SLC35C1: variants seen among roughly 807,000 people sequenced by gnomAD.
SLC35C1 encodes GDP-fucose transporter 1.
SLC35C1 carries 8 observed loss-of-function variants against 23.2 expected under a neutral mutation model. The observed-to-expected ratio is 0.35, with a 90% confidence interval of 0.20 to 0.62. SLC35C1 has a LOEUF of 0.62. Ranked by LOEUF, SLC35C1 falls within the 20% of genes least tolerant of loss-of-function variation. The pLI is 0.75. For missense variants in SLC35C1, 422 were observed against 478.6 expected, an observed-to-expected ratio of 0.88 and a Z score of 1.10; for synonymous variants, 226 against 225.1, an observed-to-expected ratio of 1.00 and a Z score of -0.04.
Position 45,811,257 on chromosome 11 carries a change from G to T in SLC35C1, c.1017G>T (p.Trp339Cys), listed in dbSNP as rs1322531884. The T allele has an allele frequency of 6.3e-7, 1 of 1,593,168 alleles. No homozygotes were observed. Among genetic ancestry groups the T allele is most frequent in the Admixed American group, 1.7e-5 (1 of 58,698 alleles). The change falls in exon 2 of 2, where the codon TGG becomes TGT. Residue 339 changes from tryptophan to cysteine, a missense_variant. Coordinates refer to ENST00000314134, the MANE Select transcript of SLC35C1 (RefSeq NM_018389.5). ...TGGGCGGCTCCTCCGCCTACACCTG[G>T]GTCAGGGGCTGGGAGATGAAGAAGA... ...MVLGGSSAYTWVRGWEMKKTP... is the reference protein window; with the variant it reads ...MVLGGSSAYTCVRGWEMKKTP...
rs1329095261 is a variant in SLC35C1, at chr11:45,811,330, G to C, written c.1090G>C (p.Val364Leu). The C allele has an allele frequency of 7.9e-6, 12 of 1,515,292 alleles. No individual in the cohort carries two copies. The highest frequency in any genetic ancestry group is 9.6e-6 in the Non-Finnish European group (11 of 1,142,038). 93.9% of individuals were successfully genotyped at this position (1,515,292 alleles called of 1,614,324 possible). A position where few individuals can be genotyped will look rare whatever the true frequency, so the allele number is the denominator to read the frequency against. ...PKDSEKSAMG[V>L] ...AGACAGCGAGAAGAGCGCCATGGGG[G>C]TGTGAGCACCACAGGCACCCTGGAT... Residue 364 changes from valine (V) to leucine (L), a missense_variant, in exon 2 of 2, where the codon GTG becomes CTG. Transcript: ENST00000314134.
chr11:45,807,961 T>C (rs916220943), intron 1 of SLC35C1, among the ~76,000 whole-genome samples: 2 of 152,124 alleles, frequency 1.3e-5, no homozygotes, highest in African/African-American at 4.8e-5. Context: ...GTGAAGACAC[T>C]AGGGTAACTG....
chr11:45,810,203 G>A, intron 1 of SLC35C1: 1 of 985,440 alleles, frequency 1.0e-6, no homozygotes, highest in Non-Finnish European at 1.2e-6. Flanking sequence ...GACACAAGAT[G>A]AGAGTCTCAG....
Position 45,805,528 on chromosome 11 carries a change from T to C in SLC35C1, c.-274T>C. 2 of 1,388,918 alleles carry C rather than the reference T, an allele frequency of 1.4e-6. No individual in the cohort carries two copies. The highest frequency in any genetic ancestry group is 1.9e-6 in the Non-Finnish European group (2 of 1,068,732). 86.0% of individuals were successfully genotyped at this position (1,388,918 alleles called of 1,614,324 possible). ...CTTCTCCCCTCACAGGTCTTCTCTG[T>C]CCTGGCCTCACCGCCTTATCCTATT... On this transcript the variant is annotated 5_prime_UTR_variant, in exon 1 of 2. Coordinates refer to ENST00000314134, the MANE Select transcript of SLC35C1 (RefSeq NM_018389.5).
In SLC35C1 at chr11:45,810,988, G is replaced by A. The variant is rs148606857; in HGVS notation, c.748G>A (p.Gly250Arg). 1.4e-4 allele frequency: 230 copies of A among 1,612,792 alleles called. No individual in the cohort carries two copies. In the African/African-American group the frequency reaches 2.2e-3, roughly 16 times the overall value. ...CTTCCTGCCCCTGCTCCTGCTGCTC[G>A]GGGAGCTTCAGGCCCTGCGTGACTT... ...ILFLPLLLLLGELQALRDFAQ... is the reference protein window; with the variant it reads ...ILFLPLLLLLRELQALRDFAQ... Residue 250 changes from glycine (G) to arginine (R), a missense_variant, in exon 2 of 2, where the codon GGG (glycine) becomes AGG (arginine). By Grantham distance (125) the Gly-to-Arg change is moderately radical. Transcript: ENST00000314134.
At chr11:45,807,122 A>G (rs560364320) in intron 1 of SLC35C1, among the ~76,000 whole-genome samples, 1 of 152,270 alleles carries the variant, frequency 6.6e-6, no homozygotes, top group South Asian at 2.1e-4. Context: ...AGGCTCAGAG[A>G]TGTTACATTA....
rs1336611762 is a variant in SLC35C1 at position 45,806,064 on chromosome 11, G to T, written c.263G>T (p.Cys88Phe). The T allele has an allele frequency of 6.2e-7, 1 of 1,612,962 alleles. No individual in the cohort carries two copies. The highest frequency in any genetic ancestry group is 1.7e-5 in the Admixed American group (1 of 60,030). ...FYQCLVTTLL[C>F]KGLSALAACC... Reference sequence around the variant, plus strand: ...CAGTGCCTGGTGACCACGCTGCTGTGCAAAGGCCTCAGCGCTCTGGCCGCC... The same window carrying T: ...CAGTGCCTGGTGACCACGCTGCTGTTCAAAGGCCTCAGCGCTCTGGCCGCC... Residue 88 changes from cysteine (C) to phenylalanine (F), a missense_variant, in exon 1 of 2, where the codon TGC becomes TTC. By Grantham distance (205) the Cys-to-Phe change is radical. Transcript: ENST00000314134.
chr11:45,812,452 C>T lies in SLC35C1; in HGVS notation c.*1117C>T, dbSNP rs1456283425. On this transcript the variant is annotated 3_prime_UTR_variant, in exon 2 of 2. Transcript: ENST00000314134. ...TGCCGTAGGCCGGGTGGCTTACAAA[C>T]AACAGAAACGTATTGCTCACAGTCC... The T allele has an allele frequency of 2.3e-6, 1 of 426,604 alleles. No homozygotes were observed. Among genetic ancestry groups the T allele is most frequent in the Non-Finnish European group, 4.7e-6 (1 of 211,248 alleles). The allele number at this position is 426,604 out of a possible 1,614,324, so 26.4% of individuals were successfully genotyped here.
chr11:45,805,284 C>T lies in SLC35C1; in HGVS notation c.-518C>T, dbSNP rs886048309. 3 of 1,040,000 alleles carry T rather than the reference C, an allele frequency of 2.9e-6. No individual in the cohort carries two copies. Among genetic ancestry groups the T allele is most frequent in the African/African-American group, 1.7e-5 (1 of 58,856 alleles). 64.4% of individuals were successfully genotyped at this position (1,040,000 alleles called of 1,614,324 possible). ...CCCCTCTGACCCTTCCGCAGCCCTC[C>T]CTCCAGCCGCGCCCGGCCTCCGGCA... On this transcript the variant is annotated 5_prime_UTR_variant, in exon 1 of 2. Coordinates refer to ENST00000314134, the MANE Select transcript of SLC35C1 (RefSeq NM_018389.5).
intron 1 of SLC35C1, chr11:45,810,302 A>G (rs1012293343): frequency 2.0e-6 from 2 of 985,334 alleles, no homozygotes; most frequent in Admixed American, 6.1e-5. Context: ...GAAGCAGCCA[A>G]GGCTTAGACA....
rs1329095261 is a variant in SLC35C1, at chr11:45,811,330, G to T, written c.1090G>T (p.Val364Leu). ...PKDSEKSAMG[V>L] ...AGACAGCGAGAAGAGCGCCATGGGG[G>T]TGTGAGCACCACAGGCACCCTGGAT... The change falls in exon 2 of 2, where the codon GTG (valine) becomes TTG (leucine). Residue 364 changes from valine to leucine, a missense_variant. Transcript: ENST00000314134. 6.6e-7 allele frequency: 1 copy of T among 1,515,408 alleles called. No homozygotes were observed. Among genetic ancestry groups the T allele is most frequent in the Admixed American group, 2.2e-5 (1 of 46,474 alleles). The allele number at this position is 1,515,408 out of a possible 1,614,324, so 93.9% of individuals were successfully genotyped here. A position where few individuals can be genotyped will look rare whatever the true frequency, so the allele number is the denominator to read the frequency against.
At chr11:45,804,709 A>T, upstream of SLC35C1, 3 of 985,530 alleles carry the variant, frequency 3.0e-6, no homozygotes, top group Non-Finnish European at 3.6e-6. Context: ...GGAGGGGACC[A>T]CAACATTGTT....
rs1475597069 is a variant in SLC35C1 at position 45,810,852 on chromosome 11, G to A, written c.612G>A (p.Leu204=). The A allele has an allele frequency of 1.2e-6, 2 of 1,612,276 alleles. No individual in the cohort carries two copies. Among genetic ancestry groups the A allele is most frequent in the African/African-American group, 1.3e-5 (1 of 74,924 alleles). ...GGCTGGGCACCGTCTTCGGCGTGCT[G>A]GCTAGCCTCTGTGTCTCGCTCAACG... ...LSWLGTVFGV[L]ASLCVSLNAI... Residue 204 remains leucine, a synonymous_variant, in exon 2 of 2, where the codon CTG becomes CTA. Transcript: ENST00000314134.
rs1026032583 is a variant in SLC35C1, at chr11:45,805,549, C to T, written c.-253C>T. 3.5e-6 allele frequency: 5 copies of T among 1,422,378 alleles called. No homozygotes were observed. Among genetic ancestry groups the T allele is most frequent in the Non-Finnish European group, 2.8e-6 (3 of 1,088,702 alleles). The allele number at this position is 1,422,378 out of a possible 1,614,324, so 88.1% of individuals were successfully genotyped here. A position where few individuals can be genotyped will look rare whatever the true frequency, so the allele number is the denominator to read the frequency against. ...TCTGTCCTGGCCTCACCGCCTTATC[C>T]TATTCCTCTCCCTTGCCCTGTGTCT... On this transcript the variant is annotated 5_prime_UTR_variant, in exon 1 of 2. Transcript: ENST00000314134.
intron 1 of SLC35C1, among the ~76,000 whole-genome samples, chr11:45,807,787 ACT>A (rs2085893028): frequency 6.6e-6 from 1 of 150,776 alleles, no homozygotes; most frequent in African/African-American, 2.4e-5. Context: ...CCCTGCCAGA[ACT>A]CTCCCAGCCT....
rs750960775 is a variant in SLC35C1, at chr11:45,806,017, C to T, written c.216C>T (p.Thr72=). 2 of 1,614,040 alleles carry T rather than the reference C, an allele frequency of 1.2e-6. No individual in the cohort carries two copies. Among genetic ancestry groups the T allele is most frequent in the Admixed American group, 1.7e-5 (1 of 60,036 alleles). The change falls in exon 1 of 2, where the codon ACC becomes ACT. Residue 72 remains threonine, a synonymous_variant. Coordinates refer to ENST00000314134, the MANE Select transcript of SLC35C1 (RefSeq NM_018389.5). ...LLDSPSLRLD[T]PIFVTFYQCL... is the part of the protein sequence containing the mutation. ...ACAGCCCCTCCCTGCGGCTGGACAC[C>T]CCCATCTTCGTCACCTTCTACCAGT...
chr11:45,809,574 C>T (rs1334597899), intron 1 of SLC35C1, among the ~76,000 whole-genome samples: 2 of 152,076 alleles, frequency 1.3e-5, no homozygotes, highest in Non-Finnish European at 2.9e-5. Context: ...CAGCCTGGAC[C>T]GATCTGGACT....
At chr11:45,810,358 A>G (rs552095148) in intron 1 of SLC35C1, 2 of 985,378 alleles carry the variant, frequency 2.0e-6, no homozygotes, top group East Asian at 1.1e-4. Context: ...ATTAACCACT[A>G]AGTGGCACTC....
upstream of SLC35C1, chr11:45,804,338 T>C (rs536990394): frequency 6.2e-6 from 2 of 324,494 alleles, no homozygotes; most frequent in East Asian, 1.7e-4. Context: ...AAGCAGGAAG[T>C]CGATCCCGCG....
Sources: allele counts gnomAD v4.1 joint callset (sites outside exome capture counted in the v4.1 genomes callset), GRCh38; gene constraint gnomAD v4.1.1; transcripts MANE v1.5; gene names NCBI Gene and HGNC (gene_info 2026-07-23, HGNC 2026-07-21).